NRXN3: variants seen among roughly 807,000 people sequenced by gnomAD.
The protein encoded by NRXN3 is neurexin 3, also known as neurexin III.
A neutral mutation model predicts 137.6 loss-of-function variants in NRXN3; 32 were observed. The ratio of observed to expected loss-of-function variants is 0.23; its 90% CI spans 0.18 to 0.31. The LOEUF (loss-of-function observed/expected upper bound fraction) is 0.31, where lower values mean the gene tolerates loss of function less well. NRXN3 is among the 10% of genes least tolerant of loss of function. The probability of loss-of-function intolerance (pLI) is 1.00; values close to 1 mark genes in which losing one functional copy is unlikely to be tolerated. For synonymous variants in NRXN3, 798 were observed against 784.5 expected (o/e 1.02, Z -0.29); for missense variants, 1,574 against 2,062.5 (o/e 0.76, Z 4.59).
intron 4 of NRXN3, among the ~76,000 whole-genome samples, chr14:78,636,467 A>G (rs1318438659): frequency 1.3e-5 from 2 of 152,102 alleles, no homozygotes; most frequent in Non-Finnish European, 2.9e-5. Flanking sequence ...TCAGACCCTT[A>G]CTACAGCACC....
chr14:79,083,040 A>G (rs1191765332), intron 15 of NRXN3, among the ~76,000 whole-genome samples: 1 of 152,128 alleles, frequency 6.6e-6, no homozygotes, highest in Non-Finnish European at 1.5e-5. Context: ...TGCCTCCTTC[A>G]TTTTTAAATG....
intron 20 of NRXN3, among the ~76,000 whole-genome samples, chr14:79,812,034 A>C (rs1008703301): frequency 2.0e-5 from 3 of 152,176 alleles, no homozygotes; most frequent in Admixed American, 2.0e-4. Flanking sequence ...TCTACTAATT[A>C]GCTCTTGCAC....
At chr14:79,303,523 C>A (rs1044282083) in intron 15 of NRXN3, among the ~76,000 whole-genome samples, 1 of 152,032 alleles carries the variant, frequency 6.6e-6, no homozygotes, top group Non-Finnish European at 1.5e-5. Context: ...CACAACACTG[C>A]ACATCCCTTG....
intron 15 of NRXN3, among the ~76,000 whole-genome samples, chr14:79,377,466 T>G (rs1183576581): frequency 2.0e-5 from 3 of 152,086 alleles, no homozygotes; most frequent in Non-Finnish European, 4.4e-5. Context: ...TTAAAAGAAG[T>G]ATGTCGGCTG....
At chr14:79,140,537 G>T (rs564214658) in intron 15 of NRXN3, among the ~76,000 whole-genome samples, 1 of 151,206 alleles carries the variant, frequency 6.6e-6, no homozygotes, top group South Asian at 2.1e-4. Context: ...AATCATAAGA[G>T]CGCCATGTTG....
At chr14:79,690,243 G>A (rs766867453) in intron 17 of NRXN3, among the ~76,000 whole-genome samples, 16 of 151,992 alleles carry the variant, frequency 1.1e-4, no homozygotes, top group Non-Finnish European at 5.9e-5. Context: ...CTATGAAAAC[G>A]TCTAAAAAGT....
intron 15 of NRXN3, among the ~76,000 whole-genome samples, chr14:79,315,146 C>A (rs74067999): frequency 6.6e-6 from 1 of 152,082 alleles, no homozygotes; most frequent in Non-Finnish European, 1.5e-5. Context: ...TTGATTCCCA[C>A]GGCTGAGCTG....
At chr14:78,267,820 C>T (rs1262977510) in intron 2 of NRXN3, among the ~76,000 whole-genome samples, 1 of 152,218 alleles carries the variant, frequency 6.6e-6, no homozygotes, top group Non-Finnish European at 1.5e-5. Context: ...TAGGACCACA[C>T]TATCATGTTT....
At chr14:79,735,037 G>T (rs2098937197) in intron 19 of NRXN3, among the ~76,000 whole-genome samples, 1 of 152,116 alleles carries the variant, frequency 6.6e-6, no homozygotes, top group Non-Finnish European at 1.5e-5. Flanking sequence ...AGAATACTTG[G>T]TAGGGGGGAA....
intron 15 of NRXN3, among the ~76,000 whole-genome samples, chr14:79,339,185 T>C (rs1179922879): frequency 1.3e-5 from 2 of 152,214 alleles, no homozygotes; most frequent in Admixed American, 6.5e-5. Flanking sequence ...CAGATTACTT[T>C]ATAGCCAAAG....
At chr14:78,548,036 G>C (rs1005239825) in intron 4 of NRXN3, among the ~76,000 whole-genome samples, 1 of 152,130 alleles carries the variant, frequency 6.6e-6, no homozygotes, top group Non-Finnish European at 1.5e-5. Context: ...GATCATTTTA[G>C]TTAAAATTAG....
intron 8 of NRXN3, among the ~76,000 whole-genome samples, chr14:78,737,753 A>G (rs574015121): frequency 6.6e-6 from 1 of 152,150 alleles, no homozygotes; most frequent in South Asian, 2.1e-4. Context: ...TCTCCTGAGG[A>G]GGGGGAGCAT....
At chr14:78,475,102 G>A (rs540245367) in intron 4 of NRXN3, among the ~76,000 whole-genome samples, 7 of 152,248 alleles carry the variant, frequency 4.6e-5, no homozygotes, top group Middle Eastern at 3.4e-3. Flanking sequence ...GAGTTTAACC[G>A]ATAGAGTGGG....
intron 2 of NRXN3, among the ~76,000 whole-genome samples, chr14:78,266,255 A>G (rs1426378785): frequency 1.3e-5 from 2 of 152,118 alleles, no homozygotes; most frequent in African/African-American, 4.8e-5. Context: ...TGTGAAATCA[A>G]AATGCTTTTT....
At chr14:79,441,405 A>T (rs1322270381) in intron 15 of NRXN3, among the ~76,000 whole-genome samples, 4 of 97,846 alleles carry the variant, frequency 4.1e-5, no homozygotes, top group Non-Finnish European at 7.2e-5. Context: ...TTTGAGACGG[A>T]GTCTCGCTCT....
chr14:79,204,303 T>C (rs2066484455), intron 15 of NRXN3, among the ~76,000 whole-genome samples: 2 of 151,724 alleles, frequency 1.3e-5, no homozygotes, highest in South Asian at 4.1e-4. Context: ...CCAAATGTGC[T>C]TGGTTTTGTC....
At chr14:79,240,271 T>C (rs1459367216) in intron 15 of NRXN3, among the ~76,000 whole-genome samples, 4 of 152,086 alleles carry the variant, frequency 2.6e-5, no homozygotes, top group African/African-American at 4.8e-5. Flanking sequence ...TTCTTCTCCA[T>C]ATGCAAATGT....
At chr14:79,413,785 A>G (rs1172267767) in intron 15 of NRXN3, among the ~76,000 whole-genome samples, 31 of 150,030 alleles carry the variant, frequency 2.1e-4, no homozygotes, top group Middle Eastern at 3.4e-3. Flanking sequence ...TGGAGTGATC[A>G]TGCCAGAACT....
At chr14:79,228,022 A>G (rs900526630) in intron 15 of NRXN3, among the ~76,000 whole-genome samples, 2 of 152,182 alleles carry the variant, frequency 1.3e-5, no homozygotes, top group Admixed American at 6.5e-5. Flanking sequence ...CAGGATACTC[A>G]CATTAAAGGA....
Sources: allele counts gnomAD v4.1 joint callset (sites outside exome capture counted in the v4.1 genomes callset), GRCh38; gene constraint gnomAD v4.1.1; transcripts MANE v1.5; gene names NCBI Gene and HGNC (gene_info 2026-07-23, HGNC 2026-07-21).